Variants in XRN2 observed in about 807,000 individuals in gnomAD.
XRN2 encodes the protein DHM1-like protein.
A neutral mutation model predicts 138.5 loss-of-function variants in XRN2; 44 were observed. That is an observed-to-expected ratio of 0.32 (90% CI 0.25 to 0.41). The LOEUF (loss-of-function observed/expected upper bound fraction) is 0.41. XRN2 is among the 10% of genes least tolerant of loss of function. XRN2 has a pLI of 1.00. For synonymous variants in XRN2, 354 were observed against 369.4 expected, an observed-to-expected ratio of 0.96 and a Z score of 0.48; for missense variants, 937 against 1,169.3, an observed-to-expected ratio of 0.80 and a Z score of 2.90.
intron 4 of XRN2, among the ~76,000 whole-genome samples, chr20:21,329,153 G>A (rs1213185475): frequency 6.6e-6 from 1 of 152,150 alleles, no homozygotes; most frequent in East Asian, 1.9e-4. Context: ...CAAGTCATTT[G>A]CATACTTTCA....
At chr20:21,388,190 G>A (rs1398456274) in intron 29 of XRN2, among the ~76,000 whole-genome samples, 1 of 152,166 alleles carries the variant, frequency 6.6e-6, no homozygotes, top group Non-Finnish European at 1.5e-5. Context: ...CTGAAACCCT[G>A]AAAACCCCAC....
intron 28 of XRN2, among the ~76,000 whole-genome samples, chr20:21,385,670 A>G (rs575542187): frequency 1.3e-5 from 2 of 152,314 alleles, no homozygotes; most frequent in Non-Finnish European, 2.9e-5. Context: ...TTGTTTTAAT[A>G]AAAAGAAGGC....
At chr20:21,379,036 G>A (rs1333181258) in intron 27 of XRN2, among the ~76,000 whole-genome samples, 5 of 152,178 alleles carry the variant, frequency 3.3e-5, no homozygotes, top group African/African-American at 1.2e-4. Flanking sequence ...AATTAGCCAC[G>A]TTGAAAAGTG....
At position 21,348,126 on chromosome 20, in the gene XRN2, T is replaced by A. The variant is rs756202626; in HGVS notation, c.1666-20T>A. 6.3e-7 allele frequency: 1 copy of A among 1,577,176 alleles called. No homozygotes were observed. Among genetic ancestry groups the A allele is most frequent in the Non-Finnish European group, 8.6e-7 (1 of 1,168,390 alleles). ...TAACATAGGTTTTTGATTTTGTTGT[T>A]ACTTTTTTAATGATTCTAGGGCTGT... On this transcript the variant is annotated intron_variant, in intron 17 of 29. Coordinates refer to ENST00000377191, the MANE Select transcript of XRN2 (RefSeq NM_012255.5).
chr20:21,332,929 G>A (rs2038232953), intron 9 of XRN2, among the ~76,000 whole-genome samples: 1 of 151,998 alleles, frequency 6.6e-6, no homozygotes, highest in African/African-American at 2.4e-5. Context: ...CACTTTTTAT[G>A]TATTTTAGGT....
chr20:21,303,679 C>G, intron 1 of XRN2: 10 of 1,323,708 alleles, frequency 7.6e-6, no homozygotes, highest in Non-Finnish European at 8.6e-6. Context: ...TCAGGACCCT[C>G]GGCGGGGCAA....
At chr20:21,381,767 G>C (rs1162626947) in intron 27 of XRN2, among the ~76,000 whole-genome samples, 3 of 151,852 alleles carry the variant, frequency 2.0e-5, no homozygotes, top group Non-Finnish European at 4.4e-5. Flanking sequence ...TAGTGACCAG[G>C]GGTTACTAAA....
chr20:21,346,596 GA>G (rs2038438912), intron 17 of XRN2, 46 bp downstream of exon 17: 1 of 1,578,524 alleles, frequency 6.3e-7, no homozygotes, highest in Admixed American at 1.9e-5. Context: ...AATCATTTAA[GA>G]AAAATAGTAA....
At chr20:21,384,549 G>A (rs2038917948) in intron 28 of XRN2, among the ~76,000 whole-genome samples, 3 of 152,316 alleles carry the variant, frequency 2.0e-5, no homozygotes, top group South Asian at 4.1e-4. Flanking sequence ...GGAGTGTAAT[G>A]TCATGATCTT....
At chr20:21,330,578 T>G (rs758668167) in intron 5 of XRN2, 38 bp from the exon 6 acceptor site, 1 of 1,613,418 alleles carries the variant, frequency 6.2e-7, no homozygotes, top group Non-Finnish European at 8.5e-7. Flanking sequence ...TGCTAACTCT[T>G]AAATGATAGG....
intron 15 of XRN2, among the ~76,000 whole-genome samples, chr20:21,341,850 A>G (rs2038376423): frequency 6.6e-6 from 1 of 151,864 alleles, no homozygotes; most frequent in South Asian, 2.1e-4. Flanking sequence ...ATGGTAGAGT[A>G]CTTTTTTTTT....
intron 13 of XRN2, among the ~76,000 whole-genome samples, chr20:21,338,821 T>G (rs945773075): frequency 1.3e-4 from 20 of 152,192 alleles, no homozygotes; most frequent in African/African-American, 9.6e-5. Flanking sequence ...CTGAACAGAA[T>G]TACCAAGATC....
intron 13 of XRN2, among the ~76,000 whole-genome samples, chr20:21,335,642 T>C (rs1235217138): frequency 6.6e-6 from 1 of 152,234 alleles, no homozygotes; most frequent in Non-Finnish European, 1.5e-5. Context: ...CAGATGTCAA[T>C]TGGAACATTT....
At position 21,348,402 on chromosome 20, in the gene XRN2, C is replaced by T. The variant is rs1472364263; in HGVS notation, c.1835C>T (p.Pro612Leu). ...GCTGCAAGTGGTAATTTTCTACCTC[C>T]ATCATGGCGGAAGCTCATGAGTGAT... The part of the protein sequence containing the change: ...FPAASGNFLP[P>L]SWRKLMSDPD... Residue 612 changes from proline to leucine, a missense_variant, in exon 19 of 30, where the codon CCA becomes CTA. Physicochemically the swap from Pro to Leu is moderately conservative, Grantham distance 98 (BLOSUM62 -3). Coordinates refer to ENST00000377191, the MANE Select transcript of XRN2 (RefSeq NM_012255.5). The T allele has an allele frequency of 3.1e-6, 5 of 1,613,946 alleles. No individual in the cohort carries two copies. The highest frequency in any genetic ancestry group is 4.2e-6 in the Non-Finnish European group (5 of 1,180,002).
intron 9 of XRN2, among the ~76,000 whole-genome samples, chr20:21,333,003 G>A (rs2038234506): frequency 6.6e-6 from 1 of 152,070 alleles, no homozygotes; most frequent in African/African-American, 2.4e-5. Flanking sequence ...TGCCTCTTGA[G>A]TCATATGCTT....
chr20:21,303,554 T>A, intron 1 of XRN2, 81 bp downstream of exon 1: 1 of 1,441,080 alleles, frequency 6.9e-7, no homozygotes, highest in Non-Finnish European at 9.1e-7. Context: ...CTCCGCCGCC[T>A]GCCCCCGGGG....
intron 20 of XRN2, among the ~76,000 whole-genome samples, chr20:21,352,657 C>T (rs947208251): frequency 1.3e-5 from 2 of 152,004 alleles, no homozygotes; most frequent in Non-Finnish European, 2.9e-5. Flanking sequence ...AAAGCAGTAT[C>T]GTTTTGGTCA....
chr20:21,386,717 G>A, intron 28 of XRN2, 151 bp from the exon 29 acceptor site: 2 of 879,834 alleles, frequency 2.3e-6, no homozygotes, highest in Non-Finnish European at 3.4e-6. Flanking sequence ...GGATATAAGG[G>A]ACACAAAGGC....
intron 27 of XRN2, among the ~76,000 whole-genome samples, chr20:21,371,927 T>A (rs947701701): frequency 6.6e-6 from 1 of 152,200 alleles, no homozygotes; most frequent in African/African-American, 2.4e-5. Context: ...AATAATGGAG[T>A]CCCCTCTCTA....
Sources: gnomAD v4.1 joint callset for allele counts (sites outside exome capture counted in the v4.1 genomes callset) on GRCh38, gnomAD v4.1.1 for gene constraint, MANE v1.5 for transcripts, NCBI Gene and HGNC (gene_info 2026-07-23, HGNC 2026-07-21) for gene names.